SNX30: variants seen among roughly 807,000 people sequenced by gnomAD.
SNX30 encodes the protein sorting nexin family member 30, also known as sorting nexin-30.
Under a neutral mutation model 46.4 loss-of-function variants are expected in SNX30, and 24 were observed. The ratio of observed to expected loss-of-function variants is 0.52; its 90% CI spans 0.37 to 0.73. SNX30 has a LOEUF of 0.73. SNX30 is among the 30% of genes least tolerant of loss of function. SNX30 has a pLI of 0.00. For synonymous variants in SNX30, 189 were observed against 211.5 expected (o/e 0.89, Z 0.92); for missense variants, 533 against 555.7 (o/e 0.96, Z 0.41).
intron 4 of SNX30, among the ~76,000 whole-genome samples, chr9:112,834,257 G>A (rs529770195): frequency 4.6e-5 from 7 of 152,236 alleles, no homozygotes; most frequent in Admixed American, 3.3e-4. Context: ...CCTGGACATA[G>A]CATCAGATCC....
intron 8 of SNX30, among the ~76,000 whole-genome samples, chr9:112,865,464 C>G (rs1041086): frequency 0.88 from 133,270 of 151,278 alleles, 58,867 homozygotes; most frequent in Non-Finnish European, 0.91. Flanking sequence ...ACAAAAGATA[C>G]AAAATGAGCC....
intron 7 of SNX30, among the ~76,000 whole-genome samples, chr9:112,854,450 C>T (rs2131488474): frequency 6.6e-6 from 1 of 152,344 alleles, no homozygotes; most frequent in East Asian, 1.9e-4. Context: ...AAGGGTTTGC[C>T]CCAGTCCGTG....
rs1454447839 is a variant in SNX30 at position 112,831,495 on chromosome 9, TTTC to T, written c.618+618_618+620del. On this transcript the variant is annotated intron_variant, in intron 4 of 8. Transcript: ENST00000374232. Reference sequence around the variant, plus strand: ...GAACATTTGAGTGTTTGGTGAGGGTTTTCTTCTTAAGGGCGCTTTGAGTGATTA... The same window carrying T: ...GAACATTTGAGTGTTTGGTGAGGGTTTTCTTAAGGGCGCTTTGAGTGATTA... 2.0e-5 allele frequency among the ~76,000 whole-genome samples: 3 copies of T among 152,150 alleles called. No homozygotes were observed. In the East Asian group the frequency reaches 5.8e-4, roughly 29 times the overall value.
At chr9:112,761,701 G>A (rs1009345504) in intron 1 of SNX30, among the ~76,000 whole-genome samples, 1 of 152,078 alleles carries the variant, frequency 6.6e-6, no homozygotes, top group African/African-American at 2.4e-5. Context: ...GCGCAGACCG[G>A]GAAGCACATG....
intron 1 of SNX30, among the ~76,000 whole-genome samples, chr9:112,796,352 C>T (rs182608140): frequency 2.3e-4 from 35 of 152,324 alleles, no homozygotes; most frequent in African/African-American, 8.2e-4. Flanking sequence ...CTGAAATAAC[C>T]AAGACATGAT....
At chr9:112,764,924 G>A (rs1361996520) in intron 1 of SNX30, among the ~76,000 whole-genome samples, 1 of 152,142 alleles carries the variant, frequency 6.6e-6, no homozygotes, top group Non-Finnish European at 1.5e-5. Flanking sequence ...GTGGCAGCGC[G>A]CCTCCCTCAC....
At position 112,824,437 on chromosome 9, in the gene SNX30, C is replaced by G. The variant is rs116093681; in HGVS notation, c.460-6288C>G. On this transcript the variant is annotated intron_variant, in intron 3 of 8. Transcript: ENST00000374232. ...ATTGAAGAGATTCAGTACGATGAGT[C>G]CCGTTGAAACTCCATCACTCAGTTT... Among the ~76,000 whole-genome samples the G allele has an allele frequency of 6.4e-3, 974 of 152,106 alleles. 14 individuals are homozygous for G. Among genetic ancestry groups the G allele is most frequent in the African/African-American group, 0.022 (924 of 41,496 alleles).
intron 1 of SNX30, among the ~76,000 whole-genome samples, chr9:112,753,524 A>G (rs1236108349): frequency 6.6e-6 from 1 of 152,214 alleles, no homozygotes; most frequent in Non-Finnish European, 1.5e-5. Context: ...CTGTGATTAC[A>G]GGCGTGTGCT....
rs562987372 is a variant in SNX30, at chr9:112,820,586, A to G, written c.459+2771A>G. ...CACCCATTTAAAATGTACAATTCAA[A>G]GGCTTTTAGTATATTCATAAAATTG... On this transcript the variant is annotated intron_variant, in intron 3 of 8. Transcript: ENST00000374232. Among the ~76,000 whole-genome samples, 4 of 152,338 alleles carry G rather than the reference A, an allele frequency of 2.6e-5. No individual in the cohort carries two copies. In the East Asian group the frequency reaches 7.7e-4, roughly 29 times the overall value.
intron 1 of SNX30, among the ~76,000 whole-genome samples, chr9:112,767,048 C>T (rs62576383): frequency 0.067 from 10,235 of 151,726 alleles, 450 homozygotes; most frequent in Non-Finnish European, 0.099. Context: ...AAAGCAGTTG[C>T]ACCATTTTAC....
intron 8 of SNX30, among the ~76,000 whole-genome samples, chr9:112,867,427 C>T (rs1433255167): frequency 6.7e-6 from 1 of 148,976 alleles, no homozygotes; most frequent in African/African-American, 2.6e-5. Context: ...CTCAGAACTC[C>T]TCCTCCTTCC....
intron 2 of SNX30, among the ~76,000 whole-genome samples, chr9:112,810,298 G>A (rs577515279): frequency 2.6e-5 from 4 of 152,278 alleles, no homozygotes; most frequent in East Asian, 1.9e-4. Flanking sequence ...AGAATGTATC[G>A]TGTCTGTCCG....
chr9:112,789,475 C>CA (rs1409791162), intron 1 of SNX30, among the ~76,000 whole-genome samples: 1 of 152,194 alleles, frequency 6.6e-6, no homozygotes, highest in Non-Finnish European at 1.5e-5. Context: ...TCCATATTCC[C>CA]AACTAAAGTT....
intron 4 of SNX30, among the ~76,000 whole-genome samples, chr9:112,832,258 C>G (rs1254766662): frequency 6.6e-6 from 1 of 152,024 alleles, no homozygotes; most frequent in East Asian, 1.9e-4. Flanking sequence ...TCCTTCAACT[C>G]ATACTCAAAG....
At chr9:112,787,385 G>T (rs934936768) in intron 1 of SNX30, among the ~76,000 whole-genome samples, 1 of 152,128 alleles carries the variant, frequency 6.6e-6, no homozygotes, top group Admixed American at 6.5e-5. Context: ...ACATCCTCTT[G>T]TGTTCATTTT....
chr9:112,855,776 G>A (rs373697421), intron 7 of SNX30, among the ~76,000 whole-genome samples: 47 of 152,276 alleles, frequency 3.1e-4, no homozygotes, highest in African/African-American at 9.6e-4. Context: ...GGATTCTGGA[G>A]ACTTGGCCTT....
intron 1 of SNX30, among the ~76,000 whole-genome samples, chr9:112,777,099 G>T (rs1339346132): frequency 6.6e-6 from 1 of 151,898 alleles, no homozygotes; most frequent in African/African-American, 2.4e-5. Context: ...TTAGGTTTTG[G>T]TTCCTCAATT....
Position 112,870,548 on chromosome 9 carries a change from A to C in SNX30, c.*1705A>C, listed in dbSNP as rs1480279401. 1 of 152,230 alleles carries C rather than the reference A, an allele frequency of 6.6e-6. No homozygotes were observed. Among genetic ancestry groups the C allele is most frequent in the Admixed American group, 6.5e-5 (1 of 15,286 alleles). 9.4% of individuals were successfully genotyped at this position (152,230 alleles called of 1,614,324 possible). ...GTACTTGCCTGTAGTGTTAAACCCT[A>C]TTTGTGCCATTCTCAAGTCCTTTGA... On this transcript the variant is annotated 3_prime_UTR_variant, in exon 9 of 9. Transcript: ENST00000374232.
At chr9:112,752,176 A>G (rs1045439001) in intron 1 of SNX30, among the ~76,000 whole-genome samples, 2 of 152,186 alleles carry the variant, frequency 1.3e-5, no homozygotes, top group Admixed American at 6.5e-5. Context: ...AAAAAGGAGT[A>G]TGAGAAAATA....
Sources: gnomAD v4.1 joint callset for allele counts (sites outside exome capture counted in the v4.1 genomes callset) on GRCh38, gnomAD v4.1.1 for gene constraint, MANE v1.5 for transcripts, NCBI Gene and HGNC (gene_info 2026-07-23, HGNC 2026-07-21) for gene names.